The following TCERG1L variants were observed in gnomAD, a reference collection of about 807,000 sequenced individuals.
TCERG1L encodes transcription elongation regulator 1 like.
Under a neutral mutation model 56.3 loss-of-function variants are expected in TCERG1L, and 37 were observed. The observed-to-expected ratio is 0.66, with a 90% confidence interval of 0.51 to 0.87. The LOEUF (loss-of-function observed/expected upper bound fraction) is 0.87, where lower values mean the gene tolerates loss of function less well. Ranked by LOEUF, TCERG1L falls within the 40% of genes least tolerant of loss-of-function variation. The pLI, the probability that TCERG1L is intolerant of heterozygous loss-of-function variation, is 0.00. For missense variants in TCERG1L, 799 were observed against 774.2 expected (o/e 1.03, Z -0.38); for synonymous variants, 324 against 326.3 (o/e 0.99, Z 0.08).
At chr10:131,134,027 C>A (rs981358681) in intron 8 of TCERG1L, among the ~76,000 whole-genome samples, 16 of 152,190 alleles carry the variant, frequency 1.1e-4, no homozygotes, top group Non-Finnish European at 2.1e-4. Flanking sequence ...GGCTGCCTGA[C>A]CCCTAAACTC....
intron 3 of TCERG1L, among the ~76,000 whole-genome samples, chr10:131,292,855 G>C (rs1648576070): frequency 2.1e-5 from 3 of 142,934 alleles, no homozygotes; most frequent in Non-Finnish European, 4.7e-5. Context: ...TTATTTCTGG[G>C]ATTTTTTTTT....
chr10:131,151,891 G>A (rs534406367), intron 6 of TCERG1L, among the ~76,000 whole-genome samples: 6 of 152,308 alleles, frequency 3.9e-5, no homozygotes, highest in East Asian at 3.9e-4. Context: ...GGCTCAACAC[G>A]TGAAAGCCAC....
At chr10:131,169,512 C>T (rs1846066402) in intron 4 of TCERG1L, among the ~76,000 whole-genome samples, 2 of 152,210 alleles carry the variant, frequency 1.3e-5, no homozygotes, top group Non-Finnish European at 2.9e-5. Context: ...TTCACGACTG[C>T]TCTGAGACCT....
chr10:131,123,996 G>A lies in TCERG1L; in HGVS notation c.1260-7062C>T, dbSNP rs566252097. On this transcript the variant is annotated intron_variant, in intron 8 of 11. Coordinates refer to ENST00000368642, the MANE Select transcript of TCERG1L (RefSeq NM_174937.4). ...CCTGGAGGAAAAGATGCCTGACCAGGTAAAGCCATGACATCAGGCTGTCCC... is the reference window on the plus strand; with the variant it reads ...CCTGGAGGAAAAGATGCCTGACCAGATAAAGCCATGACATCAGGCTGTCCC... 2.6e-5 allele frequency among the ~76,000 whole-genome samples: 4 copies of A among 152,288 alleles called. No individual in the cohort carries two copies. The East Asian group carries it at 5.8e-4, about 22-fold the overall frequency.
intron 4 of TCERG1L, among the ~76,000 whole-genome samples, chr10:131,210,956 C>T (rs1421630362): frequency 6.6e-6 from 1 of 152,162 alleles, no homozygotes; most frequent in African/African-American, 2.4e-5. Flanking sequence ...AGATTTACAC[C>T]TTCCACGAGG....
At chr10:131,108,075 C>T (rs1845372413) in intron 9 of TCERG1L, among the ~76,000 whole-genome samples, 2 of 152,244 alleles carry the variant, frequency 1.3e-5, no homozygotes, top group South Asian at 4.2e-4. Context: ...CAGCAAGCTG[C>T]CTATCTCTTT....
intron 6 of TCERG1L, among the ~76,000 whole-genome samples, chr10:131,152,862 C>T (rs1409268668): frequency 6.6e-6 from 1 of 152,134 alleles, no homozygotes; most frequent in East Asian, 1.9e-4. Flanking sequence ...GAATGAGTGC[C>T]AGCATAGGAA....
intron 4 of TCERG1L, among the ~76,000 whole-genome samples, chr10:131,205,773 C>G (rs1346694403): frequency 2.0e-5 from 3 of 152,214 alleles, no homozygotes; most frequent in African/African-American, 7.2e-5. Context: ...CTCATCCTTC[C>G]TAAGAGGCTG....
chr10:131,130,119 C>T (rs192905594), intron 8 of TCERG1L, among the ~76,000 whole-genome samples: 121 of 150,952 alleles, frequency 8.0e-4, no homozygotes, highest in Non-Finnish European at 1.5e-3. Flanking sequence ...AACGGATTCA[C>T]AGTTCCACGG....
intron 4 of TCERG1L, among the ~76,000 whole-genome samples, chr10:131,212,139 C>T (rs1308453505): frequency 1.3e-5 from 2 of 152,176 alleles, no homozygotes; most frequent in African/African-American, 4.8e-5. Flanking sequence ...CATCCCTGCC[C>T]AAAAGTGCAG....
chr10:131,215,027 G>A (rs1439741170), intron 4 of TCERG1L, among the ~76,000 whole-genome samples: 1 of 152,192 alleles, frequency 6.6e-6, no homozygotes, highest in Admixed American at 6.5e-5. Flanking sequence ...TAGGCTGGGC[G>A]GTTCCCGAGA....
intron 3 of TCERG1L, among the ~76,000 whole-genome samples, chr10:131,285,787 G>A (rs769871044): frequency 2.0e-5 from 3 of 152,072 alleles, no homozygotes; most frequent in African/African-American, 4.8e-5. Flanking sequence ...AAAGAAAAAT[G>A]TGGCTATCTT....
rs1490018526 is a variant in TCERG1L, at chr10:131,311,063, G to T, written c.342+231C>A. On this transcript the variant is annotated intron_variant, in intron 1 of 11. Coordinates refer to ENST00000368642, the MANE Select transcript of TCERG1L (RefSeq NM_174937.4). This position sits in a 1 kb window ranked among gnomAD's most constrained non-coding sequence, Gnocchi z 4.0. ...GGGCGGCGGGTCCCTCCACGGCTCC[G>T]TCCAGACACCCGGAGGCACCTGCCA... Among the ~76,000 whole-genome samples the T allele has an allele frequency of 6.6e-6, 1 of 152,072 alleles. No individual in the cohort carries two copies.
intron 4 of TCERG1L, among the ~76,000 whole-genome samples, chr10:131,184,317 C>A (rs1405649015): frequency 6.6e-6 from 1 of 152,206 alleles, no homozygotes; most frequent in Admixed American, 6.5e-5. Context: ...TACTTTAAAT[C>A]AACTGTGTGA....
At chr10:131,146,387 A>G in intron 7 of TCERG1L, 119 bp downstream of exon 7, 16 of 1,174,478 alleles carry the variant, frequency 1.4e-5, no homozygotes, top group Non-Finnish European at 1.9e-5. Context: ...CGGGCACAGG[A>G]TTCCTTAATA....
intron 1 of TCERG1L, among the ~76,000 whole-genome samples, chr10:131,310,410 C>T (rs1273477166): frequency 6.6e-6 from 1 of 152,182 alleles, no homozygotes; most frequent in Non-Finnish European, 1.5e-5. Context: ...TTAACAACAT[C>T]TTTTAGAAAA....
At chr10:131,106,709 C>T (rs1175457499) in intron 9 of TCERG1L, among the ~76,000 whole-genome samples, 1 of 152,104 alleles carries the variant, frequency 6.6e-6, no homozygotes, top group Non-Finnish European at 1.5e-5. Flanking sequence ...AGATGAATAC[C>T]TGGGCAGGGT....
Position 131,309,221 on chromosome 10 carries a change from G to T in TCERG1L, c.421C>A (p.Leu141Ile), listed in dbSNP as rs748172226. Residue 141 changes from leucine to isoleucine, a missense_variant, in exon 2 of 12, where the codon CTC becomes ATC. Coordinates refer to ENST00000368642, the MANE Select transcript of TCERG1L (RefSeq NM_174937.4). ...TVELVPVFPH[L>I]CPSALATPIG... ...GGGGTTGCAAGAGCAGAAGGGCAGA[G>T]ATGTGGGAAGACGGGCACCAGCTCC... The T allele has an allele frequency of 2.5e-6, 4 of 1,609,068 alleles. No individual in the cohort carries two copies. In the Admixed American group the frequency reaches 5.1e-5, roughly 21 times the overall value.
chr10:131,242,441 C>T (rs1163698049), intron 4 of TCERG1L, among the ~76,000 whole-genome samples: 3 of 152,056 alleles, frequency 2.0e-5, no homozygotes, highest in African/African-American at 4.8e-5. Context: ...TTTGGGCAAA[C>T]GACAGAGTGG....
Sources: allele counts gnomAD v4.1 joint callset (sites outside exome capture counted in the v4.1 genomes callset), GRCh38; gene constraint gnomAD v4.1.1; non-coding constraint Gnocchi (gnomAD v3.1); transcripts MANE v1.5; gene names NCBI Gene and HGNC (gene_info 2026-07-23, HGNC 2026-07-21).